The following PC variants were observed in gnomAD, a reference collection of about 807,000 sequenced individuals.
The protein encoded by PC is pyruvate carboxylase, mitochondrial.
In PC, 46 loss-of-function variants were observed where a neutral mutation model predicts 107.8. The ratio of observed to expected loss-of-function variants is 0.43; its 90% CI spans 0.34 to 0.55. The LOEUF (loss-of-function observed/expected upper bound fraction) is 0.55, where lower values mean the gene tolerates loss of function less well. Among genes scored for constraint, PC ranks in the 20% least tolerant of loss-of-function variants. The probability of loss-of-function intolerance (pLI) is 0.04; values close to 1 mark genes in which losing one functional copy is unlikely to be tolerated. For synonymous variants in PC, 662 were observed against 684.7 expected, an observed-to-expected ratio of 0.97 and a Z score of 0.52; for missense variants, 1,241 against 1,643.1, an observed-to-expected ratio of 0.76 and a Z score of 4.23.
intron 3 of PC, among the ~76,000 whole-genome samples, chr11:66,909,277 T>C (rs756194589): frequency 1.7e-4 from 26 of 152,142 alleles, no homozygotes; most frequent in Non-Finnish European, 3.4e-4. Context: ...GGAGGAAGTA[T>C]CTGCATGGAG....
At chr11:66,851,709 G>A in intron 16 of PC, 81 bp downstream of exon 16, 1 of 1,427,034 alleles carries the variant, frequency 7.0e-7, no homozygotes, top group Non-Finnish European at 9.9e-7. Flanking sequence ...GCTGACCGTG[G>A]AGAACAGAGG....
In PC at chr11:66,849,019, C is replaced by G; in HGVS notation, c.3417G>C (p.Val1139=). ...AKVAKGQPLC[V]LSAMKMETVV... The stretch of plus-strand genomic sequence containing the variant: ...CAGTCTCCATCTTCATGGCACTGAG[C>G]ACACACAGGGGCTGGCCCTTGGCCA... Residue 1139 remains valine (V), a synonymous_variant, in exon 23 of 23, where the codon GTG becomes GTC. Transcript: ENST00000393960. The G allele has an allele frequency of 6.2e-7, 1 of 1,614,114 alleles. No homozygotes were observed. Among genetic ancestry groups the G allele is most frequent in the Non-Finnish European group, 8.5e-7 (1 of 1,180,036 alleles).
chr11:66,941,826 GGC>G (rs1949138068), intron 3 of PC, among the ~76,000 whole-genome samples: 1 of 152,006 alleles, frequency 6.6e-6, no homozygotes, highest in Non-Finnish European at 1.5e-5. Context: ...ATTCCGGCCA[GGC>G]GCAGTGGCTC....
At position 66,848,876 on chromosome 11, in the gene PC, C is replaced by G. The variant is rs1202933700; in HGVS notation, c.*23G>C. The G allele has an allele frequency of 6.2e-7, 1 of 1,613,302 alleles. No homozygotes were observed. Among genetic ancestry groups the G allele is most frequent in the Non-Finnish European group, 8.5e-7 (1 of 1,180,022 alleles). On this transcript the variant is annotated 3_prime_UTR_variant, in exon 23 of 23. Coordinates refer to ENST00000393960, the MANE Select transcript of PC (RefSeq NM_001040716.2). ...CTTCTGTTGAAGGCTTGGGGATGGC[C>G]AGGCTGCCGGTCTGGGGCAAGATCA...
Position 66,872,174 on chromosome 11 carries a change from TA to T in PC, c.1-16del, listed in dbSNP as rs751551737. 1 of 1,575,202 alleles carries T rather than the reference TA, an allele frequency of 6.3e-7. No homozygotes were observed. The highest frequency in any genetic ancestry group is 8.6e-7 in the Non-Finnish European group (1 of 1,161,466). On this transcript the variant is annotated splice_polypyrimidine_tract_variant and intron_variant, in intron 3 of 22. Transcript: ENST00000393960. The stretch of plus-strand genomic sequence containing the variant: ...AACTTCAGCATCTAGGGAGGGAAGT[TA>T]GAGCCCAGGTTAGCGCAGCCTCAGC...
intron 12 of PC, chr11:66,860,061 G>A (rs766894479): frequency 1.2e-5 from 19 of 1,566,194 alleles, no homozygotes; most frequent in Admixed American, 5.7e-5. Flanking sequence ...GGGAGATGCC[G>A]GGTGCTACGG....
intron 3 of PC, among the ~76,000 whole-genome samples, chr11:66,924,335 C>T (rs1948663113): frequency 8.9e-6 from 1 of 112,526 alleles, no homozygotes; most frequent in Non-Finnish European, 1.7e-5. Context: ...AGATCAAGAT[C>T]AGCCTGGGTA....
In PC at chr11:66,953,441, G is replaced by A. The variant is rs117149140; in HGVS notation, c.-40+808C>T. 2.0e-3 allele frequency among the ~76,000 whole-genome samples: 303 copies of A among 152,244 alleles called. 1 individual carries two copies. In the East Asian group the frequency reaches 0.026, roughly 13 times the overall value. ...TCTGCCATAAGTAAGAGCCCACCTCGTGTTTATGCCCATGGGAGCCCACAG... is the reference window on the plus strand; with the variant it reads ...TCTGCCATAAGTAAGAGCCCACCTCATGTTTATGCCCATGGGAGCCCACAG... On this transcript the variant is annotated intron_variant, in intron 2 of 22. Coordinates refer to ENST00000393960, the MANE Select transcript of PC (RefSeq NM_001040716.2).
At chr11:66,932,018 C>CAAA (rs756391349) in intron 3 of PC, among the ~76,000 whole-genome samples, 1 of 59,344 alleles carries the variant, frequency 1.7e-5, no homozygotes, top group African/African-American at 5.5e-5. Flanking sequence ...GACTCTGTCT[C>CAAA]AAAAAAAAAA....
At chr11:66,856,487 G>A (rs1277249778) in intron 12 of PC, among the ~76,000 whole-genome samples, 1 of 152,104 alleles carries the variant, frequency 6.6e-6, no homozygotes, top group Non-Finnish European at 1.5e-5. Flanking sequence ...GCCCTGCCAG[G>A]GGCGCCGCCC....
intron 3 of PC, among the ~76,000 whole-genome samples, chr11:66,939,819 A>AC (rs1949082913): frequency 2.0e-5 from 3 of 150,332 alleles, no homozygotes; most frequent in Admixed American, 6.6e-5. Flanking sequence ...AAAAAAAAAA[A>AC]AAAAAAACCA....
At chr11:66,919,564 G>A (rs530934810) in intron 3 of PC, among the ~76,000 whole-genome samples, 14 of 152,328 alleles carry the variant, frequency 9.2e-5, no homozygotes, top group South Asian at 2.1e-4. Flanking sequence ...GCAGGGGGAC[G>A]AGGTAGTGAC....
In PC at chr11:66,850,157, AAGG is replaced by A. The variant is rs1945389315; in HGVS notation, c.2719-44_2719-42del. 3 of 1,613,812 alleles carry A rather than the reference AAGG, an allele frequency of 1.9e-6. No individual in the cohort carries two copies. The East Asian group carries it at 6.7e-5, about 36-fold the overall frequency. On this transcript the variant is annotated intron_variant, in intron 19 of 22. Coordinates refer to ENST00000393960, the MANE Select transcript of PC (RefSeq NM_001040716.2). ...TGGAGGTTAGGGTGCCAGGCACCTC[AAGG>A]AGGCCAGTGGCAGGTGCATGCAGGG...
chr11:66,859,687 G>A (rs910272932), intron 12 of PC: 10 of 1,612,970 alleles, frequency 6.2e-6, no homozygotes, highest in Non-Finnish European at 8.5e-6. Context: ...CTCGTCCCCG[G>A]CGCTGACTAT....
chr11:66,866,285 G>A lies in PC; in HGVS notation c.1087C>T (p.Arg363Trp), dbSNP rs757720464. The A allele has an allele frequency of 1.2e-5, 19 of 1,613,126 alleles. No individual in the cohort carries two copies. The Middle Eastern group carries it at 1.0e-3, about 85-fold the overall frequency. ...CCGTTGATGCGGATGTTCTCCTGCCGCAGGCCCAGGTCGGGTAGGCTCCTG... is the reference window on the plus strand; with the variant it reads ...CCGTTGATGCGGATGTTCTCCTGCCACAGGCCCAGGTCGGGTAGGCTCCTG... Reference protein sequence around the residue: ...EGRSLPDLGLRQENIRINGCA... With the variant: ...EGRSLPDLGLWQENIRINGCA... The change falls in exon 11 of 23, where the codon CGG (arginine) becomes TGG (tryptophan). Residue 363 changes from arginine (R) to tryptophan (W), a missense_variant. This residue lies in a region of PC where 1,143 missense variants were observed against 1,551.9 expected (regional missense o/e 0.74). Coordinates refer to ENST00000393960, the MANE Select transcript of PC (RefSeq NM_001040716.2). This position sits in a 1 kb window ranked among gnomAD's most constrained non-coding sequence, Gnocchi z 5.4.
intron 3 of PC, among the ~76,000 whole-genome samples, chr11:66,942,399 CAAA>C (rs577741732): frequency 6.9e-5 from 6 of 86,958 alleles, no homozygotes; most frequent in Non-Finnish European, 4.8e-5. Context: ...GACTCCATCT[CAAA>C]AAAAAAAAAA....
intron 3 of PC, among the ~76,000 whole-genome samples, chr11:66,947,420 A>G (rs1313760067): frequency 1.3e-5 from 2 of 151,796 alleles, no homozygotes; most frequent in Admixed American, 6.6e-5. Context: ...CGTCTCTACT[A>G]AAAATACAAA....
Position 66,868,893 on chromosome 11 carries a change from G to C in PC, c.975C>G (p.Val325=), listed in dbSNP as rs374244283. ...DRHGKHYFIE[V]NSRLQVEHTV... ...TGTGCTCCACCTGCAGGCGGGAGTT[G>C]ACCTCGATGAAGTAGTGCTTGCCGT... is the stretch of plus-strand genomic sequence containing the variant. Residue 325 remains valine (V), a synonymous_variant, in exon 10 of 23, where the codon GTC becomes GTG. Transcript: ENST00000393960. The C allele has an allele frequency of 2.0e-5, 32 of 1,613,754 alleles. No homozygotes were observed. In the East Asian group the frequency reaches 3.1e-4, roughly 16 times the overall value.
intron 3 of PC, among the ~76,000 whole-genome samples, chr11:66,936,134 G>A (rs943860291): frequency 6.6e-6 from 1 of 150,942 alleles, no homozygotes; most frequent in Admixed American, 6.6e-5. Flanking sequence ...TGTAGTCTCA[G>A]CTACTTGGGA....
Sources: gnomAD v4.1 joint callset for allele counts (sites outside exome capture counted in the v4.1 genomes callset) on GRCh38, gnomAD v4.1.1 for gene constraint, gnomAD v4.1.1 regional missense constraint, Gnocchi (gnomAD v3.1) non-coding constraint, MANE v1.5 for transcripts, NCBI Gene and HGNC (gene_info 2026-07-23, HGNC 2026-07-21) for gene names.